PRKCI: variants seen among roughly 807,000 people sequenced by gnomAD.
The protein encoded by PRKCI is protein kinase C iota.
Under a neutral mutation model 84.0 loss-of-function variants are expected in PRKCI, and 43 were observed. That is an observed-to-expected ratio of 0.51 (90% confidence interval 0.40 to 0.66). The LOEUF (loss-of-function observed/expected upper bound fraction) is 0.66. Ranked by LOEUF, PRKCI falls within the 30% of genes least tolerant of loss-of-function variation. The probability of loss-of-function intolerance (pLI) is 0.00; values close to 1 mark genes in which losing one functional copy is unlikely to be tolerated. For synonymous variants in PRKCI, 216 were observed against 234.4 expected (o/e 0.92, Z 0.72); for missense variants, 459 against 745.6 (o/e 0.62, Z 4.48).
chr3:170,242,414 C>G (rs1320414789), intron 2 of PRKCI, among the ~76,000 whole-genome samples: 1 of 148,620 alleles, frequency 6.7e-6, no homozygotes, highest in Non-Finnish European at 1.5e-5. Context: ...GCACTCTAGC[C>G]TGGACCACAG....
chr3:170,281,718 C>T (rs923281346), intron 10 of PRKCI, 164 bp from the exon 11 acceptor site: 11 of 824,986 alleles, frequency 1.3e-5, no homozygotes, highest in African/African-American at 5.3e-5. Context: ...TTTACTTTCT[C>T]GTATGTTCCG....
chr3:170,244,968 A>G (rs1733236697), intron 2 of PRKCI: 2 of 152,252 alleles, frequency 1.3e-5, no homozygotes, highest in African/African-American at 4.8e-5. Flanking sequence ...TGAATGGATC[A>G]GGGAAGGGAG....
chr3:170,228,992 T>C (rs1732713420), intron 1 of PRKCI, among the ~76,000 whole-genome samples: 1 of 152,078 alleles, frequency 6.6e-6, no homozygotes, highest in Non-Finnish European at 1.5e-5. Context: ...TTGTTTCTGA[T>C]TTTTTTGACT....
Position 170,280,296 on chromosome 3 carries a change from G to A in PRKCI, c.775G>A (p.Val259Ile). Residue 259 changes from valine (V) to isoleucine (I), a missense_variant, in exon 9 of 18, where the codon GTA becomes ATA. By Grantham distance (29) the Val-to-Ile change is conservative. Around this residue, in one of 2 missense-constraint regions of PRKCI, gnomAD observed 209 missense variants for 425.9 expected, o/e 0.49. Transcript: ENST00000295797. ...TCTTCAGGATTTTGATTTGCTCCGG[G>A]TAATAGGAAGAGGAAGTTATGCCAA... The part of the protein sequence containing the change: ...LGLQDFDLLR[V>I]IGRGSYAKVL... 2 of 1,613,400 alleles carry A rather than the reference G, an allele frequency of 1.2e-6. No homozygotes were observed. The highest frequency in any genetic ancestry group is 1.7e-6 in the Non-Finnish European group (2 of 1,179,916).
intron 2 of PRKCI, among the ~76,000 whole-genome samples, chr3:170,259,203 A>C (rs149798002): frequency 6.6e-6 from 1 of 152,298 alleles, no homozygotes; most frequent in African/African-American, 2.4e-5. Context: ...TTTGGGATAT[A>C]TACAATGTTA....
At chr3:170,296,099 CT>C in intron 15 of PRKCI, 109 bp downstream of exon 15, 1 of 561,698 alleles carries the variant, frequency 1.8e-6, no homozygotes. Context: ...GAGAATGTAA[CT>C]TTTTCAGTTT....
At chr3:170,281,368 A>C (rs1734240128) in intron 10 of PRKCI, 105 bp downstream of exon 10, 1 of 856,168 alleles carries the variant, frequency 1.2e-6, no homozygotes, top group African/African-American at 1.7e-5. Flanking sequence ...ATCATGGAGG[A>C]TGCAACAGTG....
In PRKCI at chr3:170,262,832, C is replaced by CTT. The variant is rs748452040; in HGVS notation, c.314-530_314-529dup. Reference sequence around the variant, plus strand: ...TTCATAAGAACTTTTTTCTTTCTTTCTTTTTTTTTTTTTTTTTTAACATCA... The same window carrying CTT: ...TTCATAAGAACTTTTTTCTTTCTTTCTTTTTTTTTTTTTTTTTTTTAACATCA... On this transcript the variant is annotated intron_variant, in intron 3 of 17. Coordinates refer to ENST00000295797, the MANE Select transcript of PRKCI (RefSeq NM_002740.6). 1.8e-3 allele frequency among the ~76,000 whole-genome samples: 245 copies of CTT among 132,986 alleles called. 1 individual carries two copies. Among genetic ancestry groups the CTT allele is most frequent in the East Asian group, 6.6e-3 (30 of 4,566 alleles). 87.2% of individuals were successfully genotyped at this position (132,986 alleles called of 152,430 possible). A position where few individuals can be genotyped will look rare whatever the true frequency, so the allele number is the denominator to read the frequency against.
At chr3:170,302,217 A>G (rs1734839843) in intron 17 of PRKCI, among the ~76,000 whole-genome samples, 1 of 152,120 alleles carries the variant, frequency 6.6e-6, no homozygotes, top group Non-Finnish European at 1.5e-5. Context: ...CACCCTAATT[A>G]CTTGCATTTC....
intron 13 of PRKCI, 88 bp from the exon 14 acceptor site, chr3:170,293,295 C>A: frequency 1.5e-6 from 2 of 1,321,380 alleles, no homozygotes; most frequent in Non-Finnish European, 2.1e-6. Flanking sequence ...TTCATTGTTT[C>A]TTTTTCCTTT....
intron 2 of PRKCI, among the ~76,000 whole-genome samples, chr3:170,242,823 A>C (rs1256646762): frequency 6.6e-6 from 1 of 151,830 alleles, no homozygotes; most frequent in East Asian, 1.9e-4. Flanking sequence ...GACACCTGCC[A>C]CCATGCCCGG....
At chr3:170,246,883 A>G (rs945325582) in intron 2 of PRKCI, among the ~76,000 whole-genome samples, 2 of 151,914 alleles carry the variant, frequency 1.3e-5, no homozygotes, top group African/African-American at 2.4e-5. Context: ...GAATTTACCT[A>G]TGCTTGGTCA....
At chr3:170,236,630 G>A (rs970779046) in intron 2 of PRKCI, among the ~76,000 whole-genome samples, 1 of 152,130 alleles carries the variant, frequency 6.6e-6, no homozygotes, top group African/African-American at 2.4e-5. Flanking sequence ...TAGAGTCTGA[G>A]GTGGGAGGAT....
intron 1 of PRKCI, among the ~76,000 whole-genome samples, chr3:170,231,817 T>G (rs1035810728): frequency 3.9e-5 from 6 of 152,198 alleles, no homozygotes; most frequent in Admixed American, 2.6e-4. Flanking sequence ...TGAATTATAG[T>G]AATAATCTCT....
intron 1 of PRKCI, among the ~76,000 whole-genome samples, chr3:170,224,824 C>T (rs1732588364): frequency 6.6e-6 from 1 of 152,174 alleles, no homozygotes; most frequent in Non-Finnish European, 1.5e-5. Context: ...GCGCCTGGCC[C>T]TAAGGCTTTC....
intron 12 of PRKCI, among the ~76,000 whole-genome samples, chr3:170,285,683 A>G (rs1734364418): frequency 6.6e-6 from 1 of 151,912 alleles, no homozygotes; most frequent in South Asian, 2.1e-4. Context: ...CACTTAAACT[A>G]TGTTTGCTTT....
At chr3:170,231,447 CTTAT>C (rs926786124) in intron 1 of PRKCI, among the ~76,000 whole-genome samples, 4 of 151,804 alleles carry the variant, frequency 2.6e-5, no homozygotes, top group African/African-American at 7.2e-5. Flanking sequence ...TTTTCTATAT[CTTAT>C]TTATTTATTT....
intron 8 of PRKCI, among the ~76,000 whole-genome samples, chr3:170,277,720 A>G (rs1734152716): frequency 1.3e-5 from 2 of 152,216 alleles, no homozygotes; most frequent in African/African-American, 2.4e-5. Context: ...GAAAATTACA[A>G]ATAACACTTT....
At chr3:170,252,605 CT>C (rs150533528) in intron 2 of PRKCI, among the ~76,000 whole-genome samples, 23 of 146,026 alleles carry the variant, frequency 1.6e-4, no homozygotes, top group Admixed American at 2.1e-4. Context: ...TTTTTCTAAC[CT>C]TTTTTTTTTT....
Sources: gnomAD v4.1 joint callset for allele counts (sites outside exome capture counted in the v4.1 genomes callset) on GRCh38, gnomAD v4.1.1 for gene constraint, gnomAD v4.1.1 regional missense constraint, MANE v1.5 for transcripts, NCBI Gene and HGNC (gene_info 2026-07-23, HGNC 2026-07-21) for gene names.